Variants in LRP1B observed in about 807,000 individuals in gnomAD.
LRP1B encodes the protein low-density lipoprotein receptor-related protein 1B.
A neutral mutation model predicts 556.6 loss-of-function variants in LRP1B; 217 were observed. The observed-to-expected ratio is 0.39, with a 90% CI of 0.35 to 0.44. LRP1B has a LOEUF of 0.44. Ranked by LOEUF, LRP1B falls within the 20% of genes least tolerant of loss-of-function variation. The pLI is 1.00. For synonymous variants in LRP1B, 2,047 were observed against 1,865.8 expected (o/e 1.10, Z -2.50); for missense variants, 5,053 against 5,620.8 (o/e 0.90, Z 3.23).
intron 3 of LRP1B, among the ~76,000 whole-genome samples, chr2:141,460,988 G>A (rs952443542): frequency 1.1e-4 from 17 of 151,920 alleles, no homozygotes; most frequent in Non-Finnish European, 2.1e-4. Flanking sequence ...ATGGCACTTG[G>A]GTACACATAG....
intron 2 of LRP1B, among the ~76,000 whole-genome samples, chr2:141,524,395 T>A (rs571326955): frequency 6.6e-6 from 1 of 151,982 alleles, no homozygotes; most frequent in African/African-American, 2.4e-5. Context: ...AGAGAGAACA[T>A]TTAGGAAATG....
rs1693100503 is a variant in LRP1B at position 140,870,663 on chromosome 2, G to A, written c.4170-2400C>T. On this transcript the variant is annotated intron_variant, in intron 25 of 90. Coordinates refer to ENST00000389484, the MANE Select transcript of LRP1B (RefSeq NM_018557.3). Reference sequence around the variant, plus strand: ...CTATCAGGTCTGACAATATTTTGTTGATAAATGGTAAAATTATGAAATGGT... The same window carrying A: ...CTATCAGGTCTGACAATATTTTGTTAATAAATGGTAAAATTATGAAATGGT... Among the ~76,000 whole-genome samples, 3 of 152,102 alleles carry A rather than the reference G, an allele frequency of 2.0e-5. No homozygotes were observed. In the South Asian group the frequency reaches 6.2e-4, roughly 32 times the overall value.
intron 1 of LRP1B, among the ~76,000 whole-genome samples, chr2:141,887,185 G>A (rs183901505): frequency 1.3e-5 from 2 of 151,770 alleles, no homozygotes; most frequent in Non-Finnish European, 2.9e-5. Flanking sequence ...TAGTAGAAAG[G>A]GGGTTTCACA....
At position 142,096,165 on chromosome 2, in the gene LRP1B, G is replaced by A. The variant is rs545141409; in HGVS notation, c.82+34483C>T. On this transcript the variant is annotated intron_variant, in intron 1 of 90. Coordinates refer to ENST00000389484, the MANE Select transcript of LRP1B (RefSeq NM_018557.3). ...CTTCTTTTATTTAGTTTTATGCAGAGGATATATAAATGATATTAAGGGAGA... is the reference window on the plus strand; with the variant it reads ...CTTCTTTTATTTAGTTTTATGCAGAAGATATATAAATGATATTAAGGGAGA... Among the ~76,000 whole-genome samples, 7 of 151,780 alleles carry A rather than the reference G, an allele frequency of 4.6e-5. No homozygotes were observed. In the South Asian group the frequency reaches 1.4e-3, roughly 31 times the overall value.
At chr2:140,277,858 A>T (rs1682746357) in intron 84 of LRP1B, among the ~76,000 whole-genome samples, 1 of 151,956 alleles carries the variant, frequency 6.6e-6, no homozygotes, top group African/African-American at 2.4e-5. Flanking sequence ...ACACCTTATG[A>T]CCTAGCACTT....
chr2:141,553,061 C>T (rs960919836), intron 2 of LRP1B, among the ~76,000 whole-genome samples: 1 of 151,766 alleles, frequency 6.6e-6, no homozygotes, highest in African/African-American at 2.4e-5. Flanking sequence ...CTTTTCCTGT[C>T]TAGTGCTAGA....
At chr2:141,715,592 A>G (rs563514847) in intron 2 of LRP1B, among the ~76,000 whole-genome samples, 2 of 152,270 alleles carry the variant, frequency 1.3e-5, no homozygotes, top group Admixed American at 1.3e-4. Context: ...AGGCAGCCGG[A>G]TCACCTGAGG....
At chr2:141,023,276 CAT>C (rs1230831361) in intron 11 of LRP1B, among the ~76,000 whole-genome samples, 1 of 151,922 alleles carries the variant, frequency 6.6e-6, no homozygotes, top group Non-Finnish European at 1.5e-5. Flanking sequence ...CACACACTCA[CAT>C]ATCTCATTCA....
chr2:142,083,040 G>C (rs1165515501), intron 1 of LRP1B, among the ~76,000 whole-genome samples: 1 of 152,092 alleles, frequency 6.6e-6, no homozygotes, highest in African/African-American at 2.4e-5. Flanking sequence ...AAAGATTTTG[G>C]GGTGATGAGG....
At chr2:141,080,646 C>T (rs978117982) in intron 7 of LRP1B, among the ~76,000 whole-genome samples, 12 of 152,098 alleles carry the variant, frequency 7.9e-5, no homozygotes, top group African/African-American at 2.2e-4. Flanking sequence ...GCTTGGTAAA[C>T]GATGGTGCAT....
At chr2:141,864,635 A>T (rs1698348497) in intron 1 of LRP1B, among the ~76,000 whole-genome samples, 1 of 151,884 alleles carries the variant, frequency 6.6e-6, no homozygotes. Context: ...TAATCCCAGC[A>T]CTTTGGGAGG....
chr2:141,080,297 T>C (rs1295855091), intron 7 of LRP1B, among the ~76,000 whole-genome samples: 1 of 152,218 alleles, frequency 6.6e-6, no homozygotes, highest in African/African-American at 2.4e-5. Context: ...TTCCAAGTTC[T>C]GCTGTCTGGT....
chr2:140,318,826 A>G (rs1684646761), intron 82 of LRP1B, among the ~76,000 whole-genome samples: 1 of 152,176 alleles, frequency 6.6e-6, no homozygotes, highest in South Asian at 2.1e-4. Context: ...AGGAGAAATT[A>G]CTAGATAATA....
At chr2:141,321,451 G>T (rs976316117) in intron 3 of LRP1B, among the ~76,000 whole-genome samples, 2 of 151,976 alleles carry the variant, frequency 1.3e-5, no homozygotes, top group African/African-American at 4.8e-5. Flanking sequence ...GCTCTGTTTA[G>T]GTTGTCTCAA....
At chr2:140,431,170 T>C (rs1483982127) in intron 66 of LRP1B, among the ~76,000 whole-genome samples, 3 of 152,072 alleles carry the variant, frequency 2.0e-5, no homozygotes, top group Admixed American at 1.3e-4. Context: ...AACCTTTATA[T>C]CCCTTACGGT....
intron 77 of LRP1B, among the ~76,000 whole-genome samples, chr2:140,348,353 T>C (rs1430056572): frequency 1.3e-5 from 2 of 152,092 alleles, no homozygotes; most frequent in Non-Finnish European, 2.9e-5. Context: ...TAAAGTATTT[T>C]TTAAAATAAT....
intron 83 of LRP1B, among the ~76,000 whole-genome samples, chr2:140,310,210 T>A (rs532941216): frequency 6.6e-6 from 1 of 151,828 alleles, no homozygotes; most frequent in African/African-American, 2.4e-5. Flanking sequence ...TTCTACTTGC[T>A]TTGTTGGAGT....
chr2:140,590,808 A>G (rs767861124), intron 43 of LRP1B, among the ~76,000 whole-genome samples: 69 of 152,340 alleles, frequency 4.5e-4, no homozygotes, highest in Non-Finnish European at 4.1e-4. Flanking sequence ...CTAAGACAAC[A>G]GCATTCATTT....
At chr2:140,636,921 G>T (rs1574173136) in intron 41 of LRP1B, among the ~76,000 whole-genome samples, 1 of 152,146 alleles carries the variant, frequency 6.6e-6, no homozygotes, top group Non-Finnish European at 1.5e-5. Context: ...GCTTGCTGAA[G>T]TCTAAAGCCA....
Sources: allele counts gnomAD v4.1 joint callset (sites outside exome capture counted in the v4.1 genomes callset), GRCh38; gene constraint gnomAD v4.1.1; transcripts MANE v1.5; gene names NCBI Gene and HGNC (gene_info 2026-07-23, HGNC 2026-07-21).